Variants in C12orf75 observed in about 807,000 individuals in gnomAD.
The protein encoded by C12orf75 is chromosome 12 open reading frame 75, also known as overexpressed in colon carcinoma 1 protein.
A neutral mutation model predicts 11.4 loss-of-function variants in C12orf75; 4 were observed. That is an observed-to-expected ratio of 0.35 (90% CI 0.17 to 0.80). The LOEUF is 0.80. C12orf75 is among the 30% of genes least tolerant of loss of function. The pLI is 0.52. For synonymous variants in C12orf75, 30 were observed against 30.0 expected (o/e 1.00, Z 0.00); for missense variants, 89 against 80.4 (o/e 1.11, Z -0.41).
intron 2 of C12orf75, among the ~76,000 whole-genome samples, chr12:105,351,691 G>C (rs1424113509): frequency 3.3e-5 from 5 of 152,098 alleles, no homozygotes; most frequent in Non-Finnish European, 7.4e-5. Context: ...ATGAAAAAAG[G>C]CATGGGAGTG....
intron 2 of C12orf75, among the ~76,000 whole-genome samples, chr12:105,358,391 T>TG (rs1014779265): frequency 1.3e-5 from 2 of 152,056 alleles, no homozygotes; most frequent in African/African-American, 4.8e-5. Flanking sequence ...GTGCGGGGTG[T>TG]GCGCCTGTGG....
chr12:105,362,302 G>A (rs1253875285), intron 2 of C12orf75, among the ~76,000 whole-genome samples: 2 of 144,096 alleles, frequency 1.4e-5, no homozygotes, highest in Non-Finnish European at 3.0e-5. Flanking sequence ...GGAGAATGGC[G>A]TGAACCCGGG....
intron 1 of C12orf75, among the ~76,000 whole-genome samples, chr12:105,332,599 C>A (rs1409188009): frequency 6.6e-6 from 1 of 151,894 alleles, no homozygotes; most frequent in African/African-American, 2.4e-5. Context: ...GGCGTGGTGG[C>A]GCCTGCTTGT....
intron 1 of C12orf75, among the ~76,000 whole-genome samples, chr12:105,340,529 A>G (rs1035155605): frequency 2.0e-5 from 3 of 151,954 alleles, no homozygotes; most frequent in African/African-American, 4.8e-5. Flanking sequence ...CGTGCATGAT[A>G]CATATATTAC....
At chr12:105,362,686 T>C (rs865974105) in intron 2 of C12orf75, among the ~76,000 whole-genome samples, 14 of 147,786 alleles carry the variant, frequency 9.5e-5, no homozygotes, top group Non-Finnish European at 1.6e-4. Context: ...AAAAAAAAAA[T>C]TGGAGAGCTC....
At chr12:105,346,557 C>G (rs1049333085) in intron 1 of C12orf75, among the ~76,000 whole-genome samples, 1 of 151,958 alleles carries the variant, frequency 6.6e-6, no homozygotes, top group Non-Finnish European at 1.5e-5. Context: ...GTTTAATAAT[C>G]TCTGATTCTA....
intron 2 of C12orf75, among the ~76,000 whole-genome samples, chr12:105,360,622 A>G (rs929720353): frequency 1.3e-5 from 2 of 152,166 alleles, no homozygotes; most frequent in African/African-American, 2.4e-5. Flanking sequence ...TGGCACTTAC[A>G]TGTGTAAGAA....
intron 2 of C12orf75, among the ~76,000 whole-genome samples, chr12:105,363,259 T>G (rs1892898700): frequency 6.6e-6 from 1 of 152,268 alleles, no homozygotes; most frequent in Non-Finnish European, 1.5e-5. Context: ...TGTCCTGCAC[T>G]GTGCCTGACA....
chr12:105,339,988 C>T (rs1892547608), intron 1 of C12orf75, among the ~76,000 whole-genome samples: 1 of 152,110 alleles, frequency 6.6e-6, no homozygotes, highest in Non-Finnish European at 1.5e-5. Flanking sequence ...GAAATACTCA[C>T]ATCAATAAAT....
intron 2 of C12orf75, 87 bp downstream of exon 2, chr12:105,348,713 G>A (rs748871451): frequency 7.2e-6 from 6 of 835,488 alleles, no homozygotes; most frequent in Admixed American, 2.9e-5. Flanking sequence ...ATCTCTGTGG[G>A]TATGGCTGAA....
chr12:105,341,843 G>C lies in C12orf75; in HGVS notation c.47-6759G>C, dbSNP rs184951786. On this transcript the variant is annotated intron_variant, in intron 1 of 5. Transcript: ENST00000443585. ...GCCAGATGGAGGTAACTGAATCATG[G>C]GGGTGGTTCCCCCATACTGTTGTCG... is the stretch of plus-strand genomic sequence containing the variant. 2.0e-3 allele frequency among the ~76,000 whole-genome samples: 306 copies of C among 152,288 alleles called. 3 individuals carry two copies. The highest frequency in any genetic ancestry group is 7.1e-3 in the African/African-American group (295 of 41,554).
chr12:105,357,343 T>A (rs191745364), intron 2 of C12orf75, among the ~76,000 whole-genome samples: 1 of 152,346 alleles, frequency 6.6e-6, no homozygotes, highest in East Asian at 1.9e-4. Flanking sequence ...TTGCAGTGGT[T>A]GCCTTTGGTC....
chr12:105,354,756 AAG>A (rs1892754158), intron 2 of C12orf75, among the ~76,000 whole-genome samples: 1 of 152,114 alleles, frequency 6.6e-6, no homozygotes, highest in Non-Finnish European at 1.5e-5. Context: ...TAGGAGCAGG[AAG>A]AGAGAGAGCA....
At position 105,371,088 on chromosome 12, in the gene C12orf75, CACTTT is replaced by C. The variant is rs1428879500; in HGVS notation, c.*490_*494del. 1 of 154,060 alleles carries C rather than the reference CACTTT, an allele frequency of 6.5e-6. No individual in the cohort carries two copies. Among genetic ancestry groups the C allele is most frequent in the East Asian group, 1.9e-4 (1 of 5,294 alleles). 9.5% of individuals were successfully genotyped at this position (154,060 alleles called of 1,614,324 possible). A position where few individuals can be genotyped will look rare whatever the true frequency, so the allele number is the denominator to read the frequency against. On this transcript the variant is annotated 3_prime_UTR_variant, in exon 6 of 6. Transcript: ENST00000443585. ...CTGTTATCTTTTGCTATTTCTACTTCACTTTAATTTTTAGCTGTAAAATTGGTAAA... is the reference window on the plus strand; with the variant it reads ...CTGTTATCTTTTGCTATTTCTACTTCAATTTTTAGCTGTAAAATTGGTAAA...
intron 2 of C12orf75, among the ~76,000 whole-genome samples, chr12:105,353,241 G>T (rs995839415): frequency 1.3e-4 from 20 of 152,230 alleles, no homozygotes; most frequent in African/African-American, 4.8e-4. Flanking sequence ...CTCTGCTTTC[G>T]TCTTCATTCT....
At chr12:105,348,477 T>G (rs1234875385) in intron 1 of C12orf75, 125 bp from the exon 2 acceptor site, 2 of 538,782 alleles carry the variant, frequency 3.7e-6, no homozygotes, top group Non-Finnish European at 6.1e-6. Context: ...CTTTCTCTGT[T>G]TTTGAAAATT....
intron 1 of C12orf75, among the ~76,000 whole-genome samples, chr12:105,342,816 C>A (rs1892590942): frequency 6.6e-6 from 1 of 152,162 alleles, no homozygotes; most frequent in African/African-American, 2.4e-5. Context: ...GGGGCAAAGA[C>A]CAAATATCTT....
chr12:105,332,488 T>C (rs1036824468), intron 1 of C12orf75, among the ~76,000 whole-genome samples: 44 of 152,026 alleles, frequency 2.9e-4, no homozygotes, highest in Non-Finnish European at 8.8e-5. Flanking sequence ...TCCCAGCACT[T>C]TGGGAGGCTG....
At chr12:105,357,647 T>C (rs189110962) in intron 2 of C12orf75, among the ~76,000 whole-genome samples, 9 of 152,316 alleles carry the variant, frequency 5.9e-5, no homozygotes, top group East Asian at 1.9e-4. Flanking sequence ...AGGAGATGAT[T>C]ATGATACTCA....
Sources: allele counts gnomAD v4.1 joint callset (sites outside exome capture counted in the v4.1 genomes callset), GRCh38; gene constraint gnomAD v4.1.1; transcripts MANE v1.5; gene names NCBI Gene and HGNC (gene_info 2026-07-23, HGNC 2026-07-21).